Variants in RBFOX1 observed in about 807,000 individuals in gnomAD.
RBFOX1 encodes RNA binding fox-1 homolog 1, also known as RNA binding protein fox-1 homolog 1.
Under a neutral mutation model 57.7 loss-of-function variants are expected in RBFOX1, and 8 were observed. The ratio of observed to expected loss-of-function variants is 0.14; its 90% CI spans 0.08 to 0.25. The LOEUF (loss-of-function observed/expected upper bound fraction) is 0.25. Among genes scored for constraint, RBFOX1 ranks in the 10% least tolerant of loss-of-function variants. The pLI, the probability that RBFOX1 is intolerant of heterozygous loss-of-function variation, is 1.00. For missense variants in RBFOX1, 611 were observed against 548.5 expected (o/e 1.11, Z -1.14); for synonymous variants, 326 against 222.4 (o/e 1.47, Z -4.15).
chr16:6,510,455 G>T (rs544462890), intron 2 of RBFOX1, among the ~76,000 whole-genome samples: 11 of 152,284 alleles, frequency 7.2e-5, no homozygotes, highest in African/African-American at 2.6e-4. Flanking sequence ...CACTAAGAAA[G>T]ATGTGATTTT....
chr16:6,210,626 C>T (rs2097290143), intron 1 of RBFOX1, among the ~76,000 whole-genome samples: 1 of 151,840 alleles, frequency 6.6e-6, no homozygotes, highest in African/African-American at 2.4e-5. Context: ...GTAGGCTGAG[C>T]TGGGAGGATC....
chr16:6,972,993 C>T (rs1199978926), intron 3 of RBFOX1, among the ~76,000 whole-genome samples: 3 of 151,918 alleles, frequency 2.0e-5, no homozygotes, highest in African/African-American at 2.4e-5. Flanking sequence ...TAGCCCAGCA[C>T]GGTGGTAGGC....
chr16:7,635,696 G>C (rs929669642), intron 11 of RBFOX1, among the ~76,000 whole-genome samples: 1 of 152,118 alleles, frequency 6.6e-6, no homozygotes, highest in Non-Finnish European at 1.5e-5. Context: ...CTCCCTTTAA[G>C]CCTTTTAGAT....
At chr16:7,039,675 T>C (rs1164953671) in intron 3 of RBFOX1, among the ~76,000 whole-genome samples, 1 of 152,198 alleles carries the variant, frequency 6.6e-6, no homozygotes, top group Non-Finnish European at 1.5e-5. Flanking sequence ...TCCTGTCTTC[T>C]TAGAATCAGA....
chr16:5,582,166 G>A (rs76387091), intron 2 of RBFOX1, among the ~76,000 whole-genome samples: 8 of 152,142 alleles, frequency 5.3e-5, no homozygotes, highest in East Asian at 1.9e-4. Flanking sequence ...CTCTCGCCCC[G>A]GGAGTACCAG....
At chr16:5,481,466 T>C (rs2069539296) in intron 2 of RBFOX1, among the ~76,000 whole-genome samples, 1 of 152,256 alleles carries the variant, frequency 6.6e-6, no homozygotes, top group South Asian at 2.1e-4. Context: ...ATTATGGTAG[T>C]AAGTTCATGG....
At chr16:6,394,515 T>C (rs1239406680) in intron 2 of RBFOX1, among the ~76,000 whole-genome samples, 2 of 151,442 alleles carry the variant, frequency 1.3e-5, no homozygotes, top group South Asian at 2.1e-4. Flanking sequence ...TGCTTTTTTT[T>C]TGTGATTCTG....
At chr16:7,606,703 A>C (rs1298387760) in intron 9 of RBFOX1, among the ~76,000 whole-genome samples, 1 of 152,244 alleles carries the variant, frequency 6.6e-6, no homozygotes, top group Non-Finnish European at 1.5e-5. Context: ...CTTAGATATC[A>C]TACATTGATT....
chr16:5,369,054 T>G (rs543432521), intron 1 of RBFOX1, among the ~76,000 whole-genome samples: 5 of 152,292 alleles, frequency 3.3e-5, no homozygotes, highest in Non-Finnish European at 4.4e-5. Context: ...CAGGCTGGAG[T>G]GCAGTGGCGC....
At chr16:7,216,975 C>T (rs1327945288) in intron 4 of RBFOX1, among the ~76,000 whole-genome samples, 2 of 149,140 alleles carry the variant, frequency 1.3e-5, no homozygotes, top group Admixed American at 1.3e-4. Flanking sequence ...AGGAAAAGTA[C>T]AGCAGGATTT....
At chr16:6,716,944 A>G (rs756401274) in intron 3 of RBFOX1, among the ~76,000 whole-genome samples, 13 of 152,206 alleles carry the variant, frequency 8.5e-5, no homozygotes, top group Middle Eastern at 3.2e-3. Flanking sequence ...AGGCCATTAT[A>G]TCACTAGAGT....
intron 2 of RBFOX1, chr16:6,483,258 G>T: frequency 7.8e-7 from 1 of 1,287,168 alleles, no homozygotes; most frequent in Non-Finnish European, 9.8e-7. Context: ...CCCTTTGTGC[G>T]CGCCCGGGTG....
At chr16:5,393,722 T>C (rs370783045) in intron 1 of RBFOX1, among the ~76,000 whole-genome samples, 3 of 152,350 alleles carry the variant, frequency 2.0e-5, no homozygotes, top group South Asian at 2.1e-4. Context: ...TAATTTAAAA[T>C]GTAATCATGT....
chr16:5,482,314 C>T (rs2069573625), intron 2 of RBFOX1, among the ~76,000 whole-genome samples: 1 of 152,132 alleles, frequency 6.6e-6, no homozygotes. Flanking sequence ...GTGTGATGCA[C>T]ACCATTCGGT....
chr16:6,666,332 G>C lies in RBFOX1; in HGVS notation c.-16+11682G>C, dbSNP rs545879207. Reference sequence around the variant, plus strand: ...GCGGATCACCTGAGGTCAGGAGTTTGAAACCAGCCTGGCCAACATGATGAA... The same window carrying C: ...GCGGATCACCTGAGGTCAGGAGTTTCAAACCAGCCTGGCCAACATGATGAA... On this transcript the variant is annotated intron_variant, in intron 3 of 15. Transcript: ENST00000550418. 1.3e-3 allele frequency among the ~76,000 whole-genome samples: 195 copies of C among 152,212 alleles called. 1 individual carries two copies. The highest frequency in any genetic ancestry group is 4.6e-3 in the African/African-American group (192 of 41,544).
intron 4 of RBFOX1, among the ~76,000 whole-genome samples, chr16:7,265,964 G>GTTTTTTTTT (rs1204871254): frequency 1.4e-5 from 1 of 70,236 alleles, no homozygotes; most frequent in African/African-American, 6.5e-5. Context: ...GTGGGTTTTT[G>GTTTTTTTTT]TTTTTTTTTT....
intron 4 of RBFOX1, among the ~76,000 whole-genome samples, chr16:7,158,574 G>A (rs1256110530): frequency 6.6e-6 from 1 of 152,068 alleles, no homozygotes; most frequent in Non-Finnish European, 1.5e-5. Context: ...GTGTGTGTTT[G>A]TGTGGTGTGT....
At chr16:6,410,372 C>G (rs1473401400) in intron 2 of RBFOX1, among the ~76,000 whole-genome samples, 1 of 135,408 alleles carries the variant, frequency 7.4e-6, no homozygotes, top group Non-Finnish European at 1.5e-5. Context: ...AGGGCAGTGG[C>G]GCGAACTTGA....
chr16:7,070,347 G>A (rs1034700833), intron 4 of RBFOX1, among the ~76,000 whole-genome samples: 1 of 152,108 alleles, frequency 6.6e-6, no homozygotes, highest in African/African-American at 2.4e-5. Context: ...AGAACATGGA[G>A]GCATGATTTT....
Sources: allele counts gnomAD v4.1 joint callset (sites outside exome capture counted in the v4.1 genomes callset), GRCh38; gene constraint gnomAD v4.1.1; transcripts MANE v1.5; gene names NCBI Gene and HGNC (gene_info 2026-07-23, HGNC 2026-07-21).